Variants in PHACTR3 observed in about 807,000 individuals in gnomAD.
PHACTR3 encodes the protein protein phosphatase 1, regulatory subunit 123.
In PHACTR3, 16 loss-of-function variants were observed where a neutral mutation model predicts 66.8. The observed-to-expected ratio is 0.24, with a 90% CI of 0.16 to 0.36. The LOEUF is 0.36. Among genes scored for constraint, PHACTR3 ranks in the 10% least tolerant of loss-of-function variants. PHACTR3 has a pLI of 1.00. For synonymous variants in PHACTR3, 323 were observed against 292.1 expected (o/e 1.11, Z -1.08); for missense variants, 647 against 719.9 (o/e 0.90, Z 1.16).
rs2040875313 is a variant in PHACTR3, at chr20:59,785,566, A to T, written c.1174+11076A>T. On this transcript the variant is annotated intron_variant, in intron 7 of 12. Transcript: ENST00000371015. ...AGCTGTGGGCCCCTGGCTGCAAGAG[A>T]AAGCGCAGAGGGGAGGAAGCGGGAG... Among the ~76,000 whole-genome samples the T allele has an allele frequency of 2.0e-5, 3 of 152,120 alleles. No individual in the cohort carries two copies. The South Asian group carries it at 6.2e-4, about 32-fold the overall frequency.
intron 7 of PHACTR3, among the ~76,000 whole-genome samples, chr20:59,784,864 C>T (rs1183147858): frequency 2.0e-5 from 3 of 152,132 alleles, no homozygotes; most frequent in African/African-American, 7.2e-5. Context: ...CCTGGCATAC[C>T]GCAAGGGCTC....
intron 1 of PHACTR3, among the ~76,000 whole-genome samples, chr20:59,613,051 A>G (rs2033909842): frequency 6.6e-6 from 1 of 152,238 alleles, no homozygotes; most frequent in South Asian, 2.1e-4. Flanking sequence ...ATCCGCCCCC[A>G]TGATTCAAAC....
At chr20:59,735,803 G>GTCAA (rs1287196488) in intron 1 of PHACTR3, among the ~76,000 whole-genome samples, 1 of 152,146 alleles carries the variant, frequency 6.6e-6, no homozygotes, top group Non-Finnish European at 1.5e-5. Flanking sequence ...GCAGATGACA[G>GTCAA]TCAATAAATA....
chr20:59,797,876 C>CT (rs1010795388), intron 7 of PHACTR3, among the ~76,000 whole-genome samples: 79 of 144,622 alleles, frequency 5.5e-4, no homozygotes, highest in African/African-American at 1.1e-3. Context: ...GTTTGATTTG[C>CT]TTTTTTTTTT....
chr20:59,667,506 T>C (rs1242199130), intron 1 of PHACTR3, among the ~76,000 whole-genome samples: 1 of 152,252 alleles, frequency 6.6e-6, no homozygotes, highest in Non-Finnish European at 1.5e-5. Context: ...GGCCTTGTGA[T>C]AGATGCCCCT....
intron 1 of PHACTR3, among the ~76,000 whole-genome samples, chr20:59,657,816 G>A (rs1385651926): frequency 6.6e-6 from 1 of 151,986 alleles, no homozygotes; most frequent in African/African-American, 2.4e-5. Context: ...AGAATTTGTT[G>A]AGTACCTGGG....
intron 1 of PHACTR3, among the ~76,000 whole-genome samples, chr20:59,613,024 C>T (rs960489301): frequency 6.6e-6 from 1 of 152,076 alleles, no homozygotes; most frequent in African/African-American, 2.4e-5. Flanking sequence ...CCCTCAGCAC[C>T]AAGCCATTCA....
intron 1 of PHACTR3, among the ~76,000 whole-genome samples, chr20:59,740,320 T>A (rs1426860465): frequency 6.6e-6 from 1 of 152,158 alleles, no homozygotes; most frequent in East Asian, 1.9e-4. Context: ...TTTTAATTTT[T>A]TTTTAGAGAC....
At chr20:59,640,931 C>T (rs953032838) in intron 1 of PHACTR3, among the ~76,000 whole-genome samples, 5 of 152,018 alleles carry the variant, frequency 3.3e-5, no homozygotes, top group African/African-American at 1.2e-4. Flanking sequence ...CAAGTTTATG[C>T]CATTATTGTT....
chr20:59,737,521 C>T (rs548058773), intron 1 of PHACTR3, among the ~76,000 whole-genome samples: 13 of 126,056 alleles, frequency 1.0e-4, no homozygotes, highest in African/African-American at 2.2e-4. Flanking sequence ...TGCATGTGTG[C>T]GTGTATGTGT....
chr20:59,754,977 A>G (rs1299100682), intron 3 of PHACTR3, among the ~76,000 whole-genome samples: 1 of 152,080 alleles, frequency 6.6e-6, no homozygotes, highest in East Asian at 1.9e-4. Context: ...AAGAGCAGAA[A>G]CCAGGCTAGG....
chr20:59,708,792 G>T (rs1174460239), intron 1 of PHACTR3, among the ~76,000 whole-genome samples: 1 of 152,188 alleles, frequency 6.6e-6, no homozygotes, highest in Non-Finnish European at 1.5e-5. Context: ...AAACACCTAA[G>T]ATTTAATCTT....
intron 1 of PHACTR3, among the ~76,000 whole-genome samples, chr20:59,614,815 A>T (rs554131553): frequency 6.6e-6 from 1 of 152,336 alleles, no homozygotes; most frequent in East Asian, 1.9e-4. Context: ...AGTCAGGAAG[A>T]TATGCCAAAA....
chr20:59,579,922 T>TC (rs1159084301), intron 1 of PHACTR3, among the ~76,000 whole-genome samples: 1 of 152,120 alleles, frequency 6.6e-6, no homozygotes, highest in Non-Finnish European at 1.5e-5. Context: ...GCCGGAGGCT[T>TC]CTGCAGTGCA....
In PHACTR3 at chr20:59,836,698, ATTCTG is replaced by A. The variant is rs1050666816; in HGVS notation, c.1384+139_1384+143del. 5 of 788,398 alleles carry A rather than the reference ATTCTG, an allele frequency of 6.3e-6. No individual in the cohort carries two copies. In the African/African-American group the frequency reaches 9.2e-5, roughly 14 times the overall value. The allele number at this position is 788,398 out of a possible 1,614,324, so 48.8% of individuals were successfully genotyped here. On this transcript the variant is annotated intron_variant, in intron 9 of 12. Transcript: ENST00000371015. ...CCCAGTAAACCTGAGCTGCTGCTGA[ATTCTG>A]AAAGCAAGCCCCAAAGGAAAGCTGA... is the stretch of plus-strand genomic sequence containing the variant.
At chr20:59,776,838 C>T (rs141704336) in intron 7 of PHACTR3, among the ~76,000 whole-genome samples, 13 of 151,040 alleles carry the variant, frequency 8.6e-5, no homozygotes, top group African/African-American at 3.1e-4. Flanking sequence ...TTGGCTCCCA[C>T]CTCTGTCCCT....
At chr20:59,657,394 C>A (rs1374088870) in intron 1 of PHACTR3, among the ~76,000 whole-genome samples, 1 of 151,890 alleles carries the variant, frequency 6.6e-6, no homozygotes, top group Non-Finnish European at 1.5e-5. Flanking sequence ...TACTGGAGCT[C>A]CTTGTTTTGT....
At chr20:59,837,992 T>C (rs1217620774) in intron 9 of PHACTR3, among the ~76,000 whole-genome samples, 1 of 152,208 alleles carries the variant, frequency 6.6e-6, no homozygotes, top group Non-Finnish European at 1.5e-5. Context: ...GAAATAGAAC[T>C]ATCTTTGGTG....
chr20:59,713,200 C>T (rs1345944785), intron 1 of PHACTR3, among the ~76,000 whole-genome samples: 2 of 152,222 alleles, frequency 1.3e-5, no homozygotes, highest in African/African-American at 4.8e-5. Flanking sequence ...CACAGAGGCC[C>T]AGAGAAATTC....
Sources: allele counts gnomAD v4.1 joint callset (sites outside exome capture counted in the v4.1 genomes callset), GRCh38; gene constraint gnomAD v4.1.1; transcripts MANE v1.5; gene names NCBI Gene and HGNC (gene_info 2026-07-23, HGNC 2026-07-21).